The following RPS3 variants were observed in gnomAD, a reference collection of about 807,000 sequenced individuals.
RPS3 encodes the protein small ribosomal subunit protein uS3.
Under a neutral mutation model 25.8 loss-of-function variants are expected in RPS3, and 2 were observed. That is an observed-to-expected ratio of 0.08 (90% confidence interval 0.03 to 0.24). RPS3 has a LOEUF of 0.24. Ranked by LOEUF, RPS3 falls within the 10% of genes least tolerant of loss-of-function variation. The pLI is 1.00. For synonymous variants in RPS3, 114 were observed against 114.2 expected (o/e 1.00, Z 0.01); for missense variants, 107 against 307.1 (o/e 0.35, Z 4.87).
intron 6 of RPS3, among the ~76,000 whole-genome samples, chr11:75,415,805 C>CAAA (rs575409808): frequency 4.8e-5 from 3 of 62,086 alleles, no homozygotes; most frequent in African/African-American, 1.6e-4. Flanking sequence ...GACTCCATCT[C>CAAA]AAAAAAAAAA....
intron 6 of RPS3, 193 bp from the exon 7 acceptor site, chr11:75,405,420 GT>G (rs1165042788): frequency 1.2e-5 from 4 of 325,052 alleles, no homozygotes; most frequent in African/African-American, 4.4e-5. Context: ...AACACTTGGG[GT>G]TTTTTTGTTT....
downstream of RPS3, among the ~76,000 whole-genome samples, chr11:75,410,471 G>A: frequency 6.6e-6 from 1 of 151,612 alleles, no homozygotes; most frequent in Non-Finnish European, 1.5e-5. Context: ...TAGATGGGAT[G>A]GCGGCTGGGC....
chr11:75,406,853 A>G lies in RPS3; in HGVS notation c.*1243A>G, dbSNP rs1156845662. The G allele has an allele frequency of 6.6e-6, 1 of 152,220 alleles. No homozygotes were observed. Among genetic ancestry groups the G allele is most frequent in the East Asian group, 1.9e-4 (1 of 5,202 alleles). 9.4% of individuals were successfully genotyped at this position (152,220 alleles called of 1,614,324 possible). A position where few individuals can be genotyped will look rare whatever the true frequency, so the allele number is the denominator to read the frequency against. ...TTATTTTCTTGTACACTGCAGTTGT[A>G]ACAGCTATGTAGCATGTACATTAGG... On this transcript the variant is annotated 3_prime_UTR_variant, in exon 7 of 7. Coordinates refer to ENST00000531188, the MANE Select transcript of RPS3 (RefSeq NM_001005.5).
chr11:75,403,032 A>T (rs1301140925), intron 4 of RPS3: 2 of 152,234 alleles, frequency 1.3e-5, no homozygotes, highest in East Asian at 3.8e-4. Flanking sequence ...GTAAGATTTC[A>T]ACAGGAAGTT....
intron 6 of RPS3, among the ~76,000 whole-genome samples, chr11:75,412,686 C>T (rs564615940): frequency 6.6e-6 from 1 of 152,256 alleles, no homozygotes; most frequent in South Asian, 2.1e-4. Flanking sequence ...CAGGAAAGTT[C>T]GAGAGTCATT....
At chr11:75,410,460 C>A (rs1418682689), downstream of RPS3, among the ~76,000 whole-genome samples, 1 of 151,162 alleles carries the variant, frequency 6.6e-6, no homozygotes, top group Non-Finnish European at 1.5e-5. Context: ...TCCTCGCTTC[C>A]TAGATGGGAT....
intron 6 of RPS3, among the ~76,000 whole-genome samples, chr11:75,413,254 T>A (rs938378849): frequency 6.6e-5 from 10 of 151,900 alleles, no homozygotes; most frequent in African/African-American, 1.9e-4. Context: ...TATATATTTT[T>A]TTTTTTGAGA....
At chr11:75,400,577 T>TG in intron 1 of RPS3, 117 bp from the exon 2 acceptor site, 1 of 1,430,480 alleles carries the variant, frequency 7.0e-7, no homozygotes, top group South Asian at 1.1e-5. Context: ...TTGGAACCAT[T>TG]GGTTGGAGGT....
chr11:75,402,143 CT>C (rs1479937790), intron 3 of RPS3: 2 of 648,330 alleles, frequency 3.1e-6, no homozygotes, highest in Middle Eastern at 3.2e-4. Flanking sequence ...GAAGAAATGT[CT>C]TGGGCCACAC....
chr11:75,409,991 C>T (rs1173518263), downstream of RPS3, among the ~76,000 whole-genome samples: 2 of 135,982 alleles, frequency 1.5e-5, no homozygotes, highest in Admixed American at 1.4e-4. Context: ...GGCAGAGGGG[C>T]TCCTCACTTC....
chr11:75,404,942 C>A lies in RPS3; in HGVS notation c.*3+74C>A. On this transcript the variant is annotated intron_variant, in intron 6 of 6. Transcript: ENST00000531188. This position sits in a 1 kb window ranked among gnomAD's most constrained non-coding sequence, Gnocchi z 4.6. ...GAGTCTTTCTGTTAATACTTGTATC[C>A]CACATTCTGGTAAGCGTTTGGTGAA... 1 of 988,630 alleles carries A rather than the reference C, an allele frequency of 1.0e-6. No individual in the cohort carries two copies. The highest frequency in any genetic ancestry group is 1.5e-6 in the Non-Finnish European group (1 of 683,094). 61.2% of individuals were successfully genotyped at this position (988,630 alleles called of 1,614,324 possible).
chr11:75,402,058 T>C, intron 3 of RPS3: 1 of 543,774 alleles, frequency 1.8e-6, no homozygotes, highest in Non-Finnish European at 3.3e-6. Flanking sequence ...GCTTTAGGAA[T>C]TGAGGGATAC....
At position 75,405,056 on chromosome 11, in the gene RPS3, GC is replaced by G. The variant is rs1358624794; in HGVS notation, c.*3+190del. 6 of 442,230 alleles carry G rather than the reference GC, an allele frequency of 1.4e-5. No individual in the cohort carries two copies. In the Admixed American group the frequency reaches 2.3e-4, roughly 17 times the overall value. 27.4% of individuals were successfully genotyped at this position (442,230 alleles called of 1,614,324 possible). On this transcript the variant is annotated intron_variant, in intron 6 of 6. Transcript: ENST00000531188. The stretch of plus-strand genomic sequence containing the variant: ...CCTTGGTTCCAATGGGACAGGTGTT[GC>G]CTTTATTCTTTCCAGAAAGAAGTTC...
intron 6 of RPS3, among the ~76,000 whole-genome samples, chr11:75,414,339 C>A (rs1948379908): frequency 6.6e-6 from 1 of 152,208 alleles, no homozygotes; most frequent in African/African-American, 2.4e-5. Flanking sequence ...CGGCCGGGTG[C>A]CGTGGCTCAC....
At chr11:75,402,589 C>A in intron 4 of RPS3, 143 bp downstream of exon 4, 1 of 819,712 alleles carries the variant, frequency 1.2e-6, no homozygotes, top group Non-Finnish European at 1.8e-6. Context: ...CTAAGTCATG[C>A]CCTCACTGAA....
chr11:75,405,124 C>T (rs1460065341), intron 6 of RPS3: 2 of 306,756 alleles, frequency 6.5e-6, no homozygotes, highest in Non-Finnish European at 6.0e-6. Context: ...CCCTTATCCT[C>T]CCTTATTTGC....
chr11:75,404,358 C>T lies in RPS3; in HGVS notation c.538+151C>T, dbSNP rs1948252690. 1.1e-5 allele frequency: 9 copies of T among 839,190 alleles called. No individual in the cohort carries two copies. Among genetic ancestry groups the T allele is most frequent in the African/African-American group, 5.0e-5 (3 of 60,012 alleles). The allele number at this position is 839,190 out of a possible 1,614,324, so 52.0% of individuals were successfully genotyped here. ...GATTGCCACGTTGATCTGTAAGAAT[C>T]GATTTGCTGAGATCTGTCAGATCCA... is the stretch of plus-strand genomic sequence containing the variant. On this transcript the variant is annotated intron_variant, in intron 5 of 6. Transcript: ENST00000531188. This position sits in a 1 kb window ranked among gnomAD's most constrained non-coding sequence, Gnocchi z 4.6.
At chr11:75,408,303 G>A (rs1256455911), downstream of RPS3, among the ~76,000 whole-genome samples, 1 of 152,092 alleles carries the variant, frequency 6.6e-6, no homozygotes, top group Non-Finnish European at 1.5e-5. Flanking sequence ...AGAAGTTCCA[G>A]GCCAGCCTGG....
downstream of RPS3, among the ~76,000 whole-genome samples, chr11:75,408,432 C>T (rs1284927884): frequency 6.6e-6 from 1 of 152,040 alleles, no homozygotes; most frequent in Admixed American, 6.5e-5. Context: ...CATAATTGTG[C>T]CACCACTCTC....
Sources: allele counts gnomAD v4.1 joint callset (sites outside exome capture counted in the v4.1 genomes callset), GRCh38; gene constraint gnomAD v4.1.1; non-coding constraint Gnocchi (gnomAD v3.1); transcripts MANE v1.5; gene names NCBI Gene and HGNC (gene_info 2026-07-23, HGNC 2026-07-21).